Variants in XNDC1N observed in about 807,000 individuals in gnomAD.
XNDC1N encodes protein XNDC1N.
At chr11:71,903,846 A>G in the XNDC1N span, 1 of 352,978 alleles carries the variant, frequency 2.8e-6, no homozygotes, top group Non-Finnish European at 5.6e-6. Context: ...CTTTTCTCTT[A>G]CTGTAAAATT....
At chr11:71,878,817 C>A in the XNDC1N span, among the ~76,000 whole-genome samples, 1 of 150,660 alleles carries the variant, frequency 6.6e-6, no homozygotes, top group East Asian at 1.9e-4. Context: ...AGGGTGAAAC[C>A]CCATCTCTAC....
chr11:71,878,487 C>T, the XNDC1N span: 55 of 1,611,530 alleles, frequency 3.4e-5, no homozygotes, highest in Non-Finnish European at 4.3e-5. Context: ...GGAGTCCTTT[C>T]CTTGATGTCC....
chr11:71,912,940 T>A, the XNDC1N span, among the ~76,000 whole-genome samples: 1 of 152,040 alleles, frequency 6.6e-6, no homozygotes, highest in African/African-American at 2.4e-5. Flanking sequence ...ACATCACAAG[T>A]GGGGTGTACT....
chr11:71,908,296 A>G, the XNDC1N span, among the ~76,000 whole-genome samples: 1 of 151,914 alleles, frequency 6.6e-6, no homozygotes, highest in Non-Finnish European at 1.5e-5. Context: ...TAAGATCAAT[A>G]TCAGTTATTA....
At chr11:71,903,518 G>A in the XNDC1N span, 35 of 717,014 alleles carry the variant, frequency 4.9e-5, no homozygotes, top group African/African-American at 4.9e-4. Context: ...TTGGAGGCAG[G>A]GAAGAGAGAC....
chr11:71,888,475 A>G, the XNDC1N span, among the ~76,000 whole-genome samples: 13 of 151,922 alleles, frequency 8.6e-5, no homozygotes, highest in Admixed American at 8.5e-4. Context: ...TTAAAGGAAA[A>G]CCTCTGGCAG....
chr11:71,915,208 G>A, the XNDC1N span, among the ~76,000 whole-genome samples: 1 of 152,104 alleles, frequency 6.6e-6, no homozygotes, highest in African/African-American at 2.4e-5. Context: ...CAGCACTTTG[G>A]GAGGCCGAGA....
At chr11:71,889,867 T>C in the XNDC1N span, among the ~76,000 whole-genome samples, 1 of 152,324 alleles carries the variant, frequency 6.6e-6, no homozygotes, top group Admixed American at 6.5e-5. Flanking sequence ...GGAGGAGGCC[T>C]ATCAAACACG....
At chr11:71,896,400 G>A in the XNDC1N span, among the ~76,000 whole-genome samples, 2 of 152,222 alleles carry the variant, frequency 1.3e-5, no homozygotes, top group East Asian at 3.8e-4. Context: ...CCAAAATACA[G>A]AAAGATGGAA....
the XNDC1N span, among the ~76,000 whole-genome samples, chr11:71,889,212 G>A: frequency 0.026 from 3,911 of 152,314 alleles, 56 homozygotes; most frequent in East Asian, 0.077. Flanking sequence ...TTCATGGAGC[G>A]TGATAGAAAG....
the XNDC1N span, among the ~76,000 whole-genome samples, chr11:71,922,547 C>T: frequency 9.2e-5 from 14 of 152,324 alleles, no homozygotes; most frequent in Non-Finnish European, 2.1e-4. Flanking sequence ...AAGAGATCCT[C>T]CTGCCTTGGG....
At chr11:71,913,665 T>TAAAAAAAAAAAAAAAA in the XNDC1N span, among the ~76,000 whole-genome samples, 5 of 105,338 alleles carry the variant, frequency 4.7e-5, no homozygotes, top group South Asian at 3.0e-4. Context: ...TCTCAAAAGA[T>TAAAAAAAAAAAAAAAA]AAAAAAAAAA....
At chr11:71,926,799 G>T in the XNDC1N span, among the ~76,000 whole-genome samples, 3 of 152,000 alleles carry the variant, frequency 2.0e-5, no homozygotes, top group African/African-American at 7.3e-5. Context: ...TACTGAGGAG[G>T]CTGAGGCAGG....
At chr11:71,872,371 C>T in the XNDC1N span, among the ~76,000 whole-genome samples, 1 of 152,178 alleles carries the variant, frequency 6.6e-6, no homozygotes. Context: ...ATACACTACC[C>T]CTGTGAAATT....
At chr11:71,873,457 C>T in the XNDC1N span, among the ~76,000 whole-genome samples, 7 of 152,178 alleles carry the variant, frequency 4.6e-5, no homozygotes, top group Non-Finnish European at 7.3e-5. Flanking sequence ...ATATTAGCAA[C>T]TTGCTGCAGG....
chr11:71,871,421 A>G, the XNDC1N span, among the ~76,000 whole-genome samples: 131 of 152,332 alleles, frequency 8.6e-4, 1 homozygote, highest in African/African-American at 3.1e-3. Context: ...CAAAGCCTCA[A>G]CTGGACAGGA....
the XNDC1N span, among the ~76,000 whole-genome samples, chr11:71,895,110 G>A: frequency 3.4e-5 from 2 of 59,190 alleles, no homozygotes; most frequent in Non-Finnish European, 5.7e-5. Context: ...GTGTGAGTGT[G>A]TGGATTTTTT....
chr11:71,918,001 C>A, the XNDC1N span, among the ~76,000 whole-genome samples: 124 of 152,308 alleles, frequency 8.1e-4, no homozygotes, highest in Non-Finnish European at 1.7e-3. Flanking sequence ...CAGAAACCTT[C>A]CCCTGATTAA....
chr11:71,879,045 T>A, the XNDC1N span, among the ~76,000 whole-genome samples: 1 of 152,096 alleles, frequency 6.6e-6, no homozygotes, highest in African/African-American at 2.4e-5. Flanking sequence ...GAGTTGTGTT[T>A]GATCAAAAGA....
Sources: allele counts gnomAD v4.1 joint callset (sites outside exome capture counted in the v4.1 genomes callset), GRCh38; gene constraint gnomAD v4.1.1; transcripts MANE v1.5; gene names NCBI Gene and HGNC (gene_info 2026-07-23, HGNC 2026-07-21).